ABCA7: variants seen among roughly 807,000 people sequenced by gnomAD.
ABCA7 encodes the protein ATP binding cassette subfamily A member 7, also known as phospholipid-transporting ATPase ABCA7.
In ABCA7, 261 loss-of-function variants were observed where a neutral mutation model predicts 227.6. That is an observed-to-expected ratio of 1.15 (90% CI 1.04 to 1.27). ABCA7 has a LOEUF of 1.27. Among genes scored for constraint, ABCA7 ranks in the 50% most tolerant of loss-of-function variants. The pLI is 0.00. For synonymous variants in ABCA7, 1,488 were observed against 1,279.7 expected, an observed-to-expected ratio of 1.16 and a Z score of -3.47; for missense variants, 3,331 against 2,924.5, an observed-to-expected ratio of 1.14 and a Z score of -3.21.
In ABCA7 at chr19:1,056,634, C is replaced by T; in HGVS notation, c.4586+135C>T. ...TATAAATGGGGGATAGAAACTGTTCCTCTGCTCCCTAAGCCAGGGAAATGG... is the reference window on the plus strand; with the variant it reads ...TATAAATGGGGGATAGAAACTGTTCTTCTGCTCCCTAAGCCAGGGAAATGG... On this transcript the variant is annotated intron_variant, in intron 33 of 46. Transcript: ENST00000263094. The surrounding 1 kb of genome is among the most constrained non-coding windows in gnomAD (Gnocchi z 4.3). 8.1e-7 allele frequency: 1 copy of T among 1,241,424 alleles called. No individual in the cohort carries two copies. The highest frequency in any genetic ancestry group is 1.5e-5 in the African/African-American group (1 of 66,246). 76.9% of individuals were successfully genotyped at this position (1,241,424 alleles called of 1,614,324 possible). A position where few individuals can be genotyped will look rare whatever the true frequency, so the allele number is the denominator to read the frequency against.
chr19:1,048,756 T>G, intron 16 of ABCA7, 139 bp from the exon 17 acceptor site: 7 of 440,342 alleles, frequency 1.6e-5, no homozygotes. Flanking sequence ...TTGCAGCGAG[T>G]CAAAATCGTG....
At chr19:1,040,477 C>T (rs2039913369) in intron 1 of ABCA7, among the ~76,000 whole-genome samples, 1 of 152,158 alleles carries the variant, frequency 6.6e-6, no homozygotes, top group Non-Finnish European at 1.5e-5. Flanking sequence ...GAGCCCACTC[C>T]CCCAGATCCT....
chr19:1,046,092 G>A, intron 12 of ABCA7, 138 bp from the exon 13 acceptor site: 1 of 977,908 alleles, frequency 1.0e-6, no homozygotes, highest in East Asian at 2.5e-5. Context: ...GGTCAAGGCT[G>A]CAGTGAGCTA....
intron 18 of ABCA7, among the ~76,000 whole-genome samples, 163 bp from the exon 19 acceptor site, chr19:1,050,758 C>G (rs771162585): frequency 2.0e-5 from 3 of 149,482 alleles, no homozygotes; most frequent in Non-Finnish European, 3.0e-5. Flanking sequence ...CCAGCCTGGG[C>G]AACAGAGTGA....
chr19:1,050,566 T>C (rs2041480312), intron 18 of ABCA7, among the ~76,000 whole-genome samples: 1 of 151,430 alleles, frequency 6.6e-6, no homozygotes, highest in South Asian at 2.1e-4. Context: ...GGTCAGGAGA[T>C]TGAGATCATC....
At chr19:1,058,093 T>C in intron 36 of ABCA7, 34 bp downstream of exon 36, 1 of 1,613,848 alleles carries the variant, frequency 6.2e-7, no homozygotes, top group Non-Finnish European at 8.5e-7. Flanking sequence ...TTGGGCTGGG[T>C]TGGGTCGTTG....
At position 1,063,590 on chromosome 19, in the gene ABCA7, A is replaced by C. The variant is rs780081585; in HGVS notation, c.5759A>C (p.Asp1920Ala). Residue 1920 changes from aspartate (D) to alanine (A), a missense_variant, in exon 43 of 47, where the codon GAC becomes GCC. Transcript: ENST00000263094. ...CGTCTGGGACTCTCATGGTACGCAG[A>C]CCGGCCTGCAGGCACCTACAGCGGA... ...LARLGLSWYA[D>A]RPAGTYSGGN... 1 of 1,611,190 alleles carries C rather than the reference A, an allele frequency of 6.2e-7. No individual in the cohort carries two copies. Among genetic ancestry groups the C allele is most frequent in the Non-Finnish European group, 8.5e-7 (1 of 1,179,930 alleles).
intron 8 of ABCA7, 40 bp from the exon 9 acceptor site, chr19:1,043,294 C>G: frequency 6.2e-7 from 1 of 1,611,852 alleles, no homozygotes; most frequent in Non-Finnish European, 8.5e-7. Flanking sequence ...AAGTGGAACT[C>G]TGGGCAGGGG....
Position 1,054,595 on chromosome 19 carries a change from G to A in ABCA7, c.3752G>A (p.Gly1251Asp). 3 of 1,612,322 alleles carry A rather than the reference G, an allele frequency of 1.9e-6. No homozygotes were observed. The South Asian group carries it at 3.3e-5, about 18-fold the overall frequency. The change falls in exon 28 of 47, where the codon GGC (glycine) becomes GAC (aspartate). Residue 1251 changes from glycine to aspartate, a missense_variant. Physicochemically the swap from Gly to Asp is moderately conservative, Grantham distance 94. Transcript: ENST00000263094. This position sits in a 1 kb window ranked among gnomAD's most constrained non-coding sequence, Gnocchi z 4.8. Reference sequence around the variant, plus strand: ...ATCGTGCTGCCTGCCCTCTTTGTGGGCCTGGCCCTCGTGTTCAGCCTCATC... The same window carrying A: ...ATCGTGCTGCCTGCCCTCTTTGTGGACCTGGCCCTCGTGTTCAGCCTCATC... ...AQIVLPALFV[G>D]LALVFSLIVP...
Position 1,054,592 on chromosome 19 carries a change from TG to T in ABCA7, c.3752del (p.Gly1251AlafsTer122), listed in dbSNP as rs528067411. ...FAQIVLPALF[V>X]GLALVFSLIV... The stretch of plus-strand genomic sequence containing the variant: ...CAGATCGTGCTGCCTGCCCTCTTTG[TG>T]GGCCTGGCCCTCGTGTTCAGCCTCA... On this transcript the variant is annotated frameshift_variant, in exon 28 of 47. Coordinates refer to ENST00000263094, the MANE Select transcript of ABCA7 (RefSeq NM_019112.4). LOFTEE classifies it high-confidence loss of function. The surrounding 1 kb of genome is among the most constrained non-coding windows in gnomAD (Gnocchi z 4.8). The T allele has an allele frequency of 1.6e-5, 25 of 1,611,386 alleles. No homozygotes were observed. In the South Asian group the frequency reaches 2.5e-4, roughly 16 times the overall value.
chr19:1,055,302 A>T lies in ABCA7; in HGVS notation c.4156A>T (p.Asn1386Tyr), dbSNP rs775661442. The T allele has an allele frequency of 4.4e-6, 7 of 1,604,496 alleles. No homozygotes were observed. Among genetic ancestry groups the T allele is most frequent in the Non-Finnish European group, 5.1e-6 (6 of 1,177,176 alleles). ...AGTGGTTCAGAACCTGACAGGCCGGAACCTGTCTGACTTCCTGGTCAAGAC... is the reference window on the plus strand; with the variant it reads ...AGTGGTTCAGAACCTGACAGGCCGGTACCTGTCTGACTTCCTGGTCAAGAC... ...GEVVQNLTGRNLSDFLVKTYP... is the reference protein window; with the variant it reads ...GEVVQNLTGRYLSDFLVKTYP... Residue 1386 changes from asparagine to tyrosine, a missense_variant, in exon 30 of 47, where the codon AAC becomes TAC. Transcript: ENST00000263094.
At position 1,042,043 on chromosome 19, in the gene ABCA7, C is replaced by T. The variant is rs747692633; in HGVS notation, c.303-21C>T. On this transcript the variant is annotated intron_variant, in intron 4 of 46. Coordinates refer to ENST00000263094, the MANE Select transcript of ABCA7 (RefSeq NM_019112.4). ...GCAGTGCCGGCCGGAACCCCGCCTC[C>T]TGCCCTCTCTCTGTCCCCAGGGTCT... The T allele has an allele frequency of 1.1e-5, 17 of 1,587,124 alleles. No homozygotes were observed. In the South Asian group the frequency reaches 1.8e-4, roughly 17 times the overall value.
At chr19:1,046,752 G>T in intron 13 of ABCA7, 50 bp from the exon 14 acceptor site, 1 of 1,501,922 alleles carries the variant, frequency 6.7e-7, no homozygotes, top group Non-Finnish European at 8.9e-7. Flanking sequence ...TGGGCGGAGG[G>T]GGGGTCTGCG....
chr19:1,046,457 G>C, intron 13 of ABCA7, 51 bp downstream of exon 13: 1 of 1,511,350 alleles, frequency 6.6e-7, no homozygotes, highest in Non-Finnish European at 8.8e-7. Context: ...AAGGTCCCGG[G>C]TGTGGGGGTG....
rs752759062 is a variant in ABCA7, at chr19:1,054,244, G to A, written c.3629G>A (p.Arg1210Gln). 69 of 1,608,384 alleles carry A rather than the reference G, an allele frequency of 4.3e-5. 1 individual carries two copies. The highest frequency in any genetic ancestry group is 1.8e-4 in the East Asian group (8 of 44,746). Residue 1210 changes from arginine (R) to glutamine (Q), a missense_variant, in exon 27 of 47, where the codon CGG becomes CAG. Arg to Gln is a conservative substitution (Grantham distance 43). Transcript: ENST00000263094. This position sits in a 1 kb window ranked among gnomAD's most constrained non-coding sequence, Gnocchi z 4.8. Reference sequence around the variant, plus strand: ...GGCTCTGGGCCAGACGCCGTGGGCCGGGTACAGGGCTGGGCACTGACCCGC... The same window carrying A: ...GGCTCTGGGCCAGACGCCGTGGGCCAGGTACAGGGCTGGGCACTGACCCGC... ...DQGSGPDAVG[R>Q]VQGWALTRQQ... is the part of the protein sequence containing the mutation.
In ABCA7 at chr19:1,042,194, C is replaced by T; in HGVS notation, c.415+18C>T. On this transcript the variant is annotated intron_variant, in intron 5 of 46. Coordinates refer to ENST00000263094, the MANE Select transcript of ABCA7 (RefSeq NM_019112.4). The stretch of plus-strand genomic sequence containing the variant: ...CAGCACGGGTGAGGAGGCCGGGGGG[C>T]CTCTGGCAGGGCTGAGCTCTGAGCC... 1 of 1,600,982 alleles carries T rather than the reference C, an allele frequency of 6.2e-7. No individual in the cohort carries two copies. The highest frequency in any genetic ancestry group is 8.5e-7 in the Non-Finnish European group (1 of 1,178,110).
At chr19:1,057,858 C>T (rs2042389145) in intron 35 of ABCA7, 57 bp from the exon 36 acceptor site, 1 of 1,583,010 alleles carries the variant, frequency 6.3e-7, no homozygotes, top group African/African-American at 1.4e-5. Flanking sequence ...GATTTTTATT[C>T]CTCTCAGGGC....
intron 7 of ABCA7, 55 bp from the exon 8 acceptor site, chr19:1,042,986 G>T (rs2040212536): frequency 6.4e-7 from 1 of 1,552,678 alleles, no homozygotes; most frequent in East Asian, 2.3e-5. Flanking sequence ...GCCCTGCCCT[G>T]GTTAGGGCTT....
In ABCA7 at chr19:1,056,678, G is replaced by A. The variant is rs896812513; in HGVS notation, c.4586+179G>A. ...GAAATGGGACCTCCTCAGACTCAGC[G>A]GGCCCCAGCCTCCCCCACACATCCT... On this transcript the variant is annotated intron_variant, in intron 33 of 46. Transcript: ENST00000263094. This position sits in a 1 kb window ranked among gnomAD's most constrained non-coding sequence, Gnocchi z 4.3. 2.0e-5 allele frequency among the ~76,000 whole-genome samples: 3 copies of A among 152,054 alleles called. No individual in the cohort carries two copies. The highest frequency in any genetic ancestry group is 3.9e-4 in the East Asian group (2 of 5,192).
Sources: allele counts gnomAD v4.1 joint callset (sites outside exome capture counted in the v4.1 genomes callset), GRCh38; gene constraint gnomAD v4.1.1; non-coding constraint Gnocchi (gnomAD v3.1); transcripts MANE v1.5; gene names NCBI Gene and HGNC (gene_info 2026-07-23, HGNC 2026-07-21).